Variants in PTK2B observed in about 807,000 individuals in gnomAD.
PTK2B encodes protein-tyrosine kinase 2-beta.
A neutral mutation model predicts 142.9 loss-of-function variants in PTK2B; 71 were observed. The ratio of observed to expected loss-of-function variants is 0.50; its 90% CI spans 0.41 to 0.61. The LOEUF (loss-of-function observed/expected upper bound fraction) is 0.61, where lower values mean the gene tolerates loss of function less well. Among genes scored for constraint, PTK2B ranks in the 20% least tolerant of loss-of-function variants. The pLI, the probability that PTK2B is intolerant of heterozygous loss-of-function variation, is 0.00. For missense variants in PTK2B, 1,105 were observed against 1,320.4 expected, an observed-to-expected ratio of 0.84 and a Z score of 2.53; for synonymous variants, 519 against 503.4, an observed-to-expected ratio of 1.03 and a Z score of -0.42.
At chr8:27,311,265 A>G (rs1425301599), upstream of PTK2B, 5 of 1,472,150 alleles carry the variant, frequency 3.4e-6, no homozygotes, top group Admixed American at 9.9e-5. Flanking sequence ...GGCGCCCGGA[A>G]CTTTTGCTCC....
chr8:27,418,182 G>A (rs1809518161), intron 2 of PTK2B, among the ~76,000 whole-genome samples: 2 of 152,146 alleles, frequency 1.3e-5, no homozygotes, highest in Admixed American at 1.3e-4. Context: ...CCTCTGTGAC[G>A]GGCATTTTCT....
chr8:27,390,334 T>G (rs1415587845), intron 1 of PTK2B, among the ~76,000 whole-genome samples: 1 of 152,100 alleles, frequency 6.6e-6, no homozygotes, highest in Admixed American at 6.5e-5. Flanking sequence ...GTTTAGATTT[T>G]TTAAAAGTCA....
chr8:27,380,961 A>T (rs1233244955), intron 1 of PTK2B, among the ~76,000 whole-genome samples: 1 of 152,234 alleles, frequency 6.6e-6, no homozygotes, highest in Non-Finnish European at 1.5e-5. Context: ...TAAGTCCCAG[A>T]GATCTAATGC....
At chr8:27,378,618 T>C (rs1006322657) in intron 1 of PTK2B, among the ~76,000 whole-genome samples, 42 of 87,402 alleles carry the variant, frequency 4.8e-4, no homozygotes, top group Admixed American at 9.0e-4. Context: ...TGTGTGTGTG[T>C]GTGTGTGTGT....
upstream of PTK2B, chr8:27,311,074 C>A (rs950573333): frequency 1.3e-6 from 2 of 1,595,912 alleles, no homozygotes; most frequent in African/African-American, 1.3e-5. Flanking sequence ...GGCAGGTGGG[C>A]GACACCTGCA....
intron 18 of PTK2B, among the ~76,000 whole-genome samples, chr8:27,438,401 C>T (rs1182316249): frequency 6.6e-6 from 1 of 152,146 alleles, no homozygotes; most frequent in Non-Finnish European, 1.5e-5. Context: ...AGAACCTGAC[C>T]CCCAAGGGAG....
chr8:27,311,405 A>AG, upstream of PTK2B: 2 of 832,020 alleles, frequency 2.4e-6, no homozygotes, highest in Non-Finnish European at 3.5e-6. Flanking sequence ...AGGGGGAGGG[A>AG]GGGGGCGCTC....
At chr8:27,312,433 T>C (rs1355546808) in intron 2 of PTK2B, 1 of 152,212 alleles carries the variant, frequency 6.6e-6, no homozygotes, top group East Asian at 1.9e-4. Context: ...TGCAACCTAC[T>C]GTAGCCTTCA....
At chr8:27,334,368 G>A (rs1803932509) in intron 1 of PTK2B, among the ~76,000 whole-genome samples, 1 of 152,110 alleles carries the variant, frequency 6.6e-6, no homozygotes, top group Non-Finnish European at 1.5e-5. Flanking sequence ...CCAGCCTGGT[G>A]TGCTCCCCAG....
At chr8:27,443,297 T>A (rs377548158) in intron 22 of PTK2B, among the ~76,000 whole-genome samples, 6 of 152,328 alleles carry the variant, frequency 3.9e-5, no homozygotes, top group African/African-American at 1.4e-4. Context: ...GTGGGAAGTA[T>A]CCTGGGTCTT....
chr8:27,347,630 C>T (rs1804794509), intron 1 of PTK2B, among the ~76,000 whole-genome samples: 1 of 152,094 alleles, frequency 6.6e-6, no homozygotes, highest in African/African-American at 2.4e-5. Context: ...CTTATAAAGG[C>T]ACCAGCCATA....
In PTK2B at chr8:27,430,946, T is replaced by C; in HGVS notation, c.740T>C (p.Val247Ala). 1.2e-6 allele frequency: 2 copies of C among 1,614,140 alleles called. No homozygotes were observed. The highest frequency in any genetic ancestry group is 1.7e-6 in the Non-Finnish European group (2 of 1,180,024). The stretch of plus-strand genomic sequence containing the variant: ...GCCTCGCTCAGGGAGGAGGAGTGCG[T>C]CATGAAGTTCTTCAACACTCTCGCC... Reference protein sequence around the residue: ...QYASLREEECVMKFFNTLAGF... With the variant: ...QYASLREEECAMKFFNTLAGF... Residue 247 changes from valine to alanine, a missense_variant, in exon 8 of 31, where the codon GTC becomes GCC. By Grantham distance (64) the Val-to-Ala change is moderately conservative. Coordinates refer to ENST00000346049, the MANE Select transcript of PTK2B (RefSeq NM_173176.3).
chr8:27,453,207 A>T (rs968236599), intron 28 of PTK2B, 47 bp downstream of exon 28: 1 of 1,602,174 alleles, frequency 6.2e-7, no homozygotes. Flanking sequence ...TGGGGGTTGC[A>T]CAAAACTGAA....
chr8:27,432,710 TTTTGTTTG>T (rs780924414), intron 10 of PTK2B, among the ~76,000 whole-genome samples: 1 of 152,182 alleles, frequency 6.6e-6, no homozygotes, highest in East Asian at 1.9e-4. Context: ...ACATGGGTTT[TTTTGTTTG>T]TTTGTTTGTT....
intron 1 of PTK2B, among the ~76,000 whole-genome samples, chr8:27,354,098 T>C (rs1332472184): frequency 6.6e-6 from 1 of 152,196 alleles, no homozygotes; most frequent in Non-Finnish European, 1.5e-5. Flanking sequence ...CATTACATGT[T>C]GGCTTAATTC....
In PTK2B at chr8:27,394,330, G is replaced by A. The variant is rs1052914578; in HGVS notation, c.-37-3218G>A. 5.9e-5 allele frequency among the ~76,000 whole-genome samples: 9 copies of A among 152,214 alleles called. No homozygotes were observed. In the East Asian group the frequency reaches 1.7e-3, roughly 29 times the overall value. On this transcript the variant is annotated intron_variant, in intron 1 of 30. Transcript: ENST00000346049. ...CTAGATGGTACAGCCTAGACTATATGGTATAGCACATGGCTCCTACAACCC... is the reference window on the plus strand; with the variant it reads ...CTAGATGGTACAGCCTAGACTATATAGTATAGCACATGGCTCCTACAACCC...
intron 10 of PTK2B, 157 bp from the exon 11 acceptor site, chr8:27,433,278 A>G (rs777610393): frequency 4.6e-6 from 3 of 656,850 alleles, no homozygotes; most frequent in South Asian, 3.6e-5. Context: ...GACAGAGTGC[A>G]GTCTGGACTC....
chr8:27,336,301 A>C (rs929469956), intron 1 of PTK2B, among the ~76,000 whole-genome samples: 5 of 152,210 alleles, frequency 3.3e-5, no homozygotes, highest in Admixed American at 1.3e-4. Flanking sequence ...ATCTCTCATA[A>C]GATATTATCA....
At chr8:27,432,838 T>C (rs1810525176) in intron 10 of PTK2B, among the ~76,000 whole-genome samples, 1 of 151,886 alleles carries the variant, frequency 6.6e-6, no homozygotes. Context: ...TCTTTCTTTC[T>C]TTTTTTTAGA....
Sources: gnomAD v4.1 joint callset for allele counts (sites outside exome capture counted in the v4.1 genomes callset) on GRCh38, gnomAD v4.1.1 for gene constraint, MANE v1.5 for transcripts, NCBI Gene and HGNC (gene_info 2026-07-23, HGNC 2026-07-21) for gene names.